BZW2: variants seen among roughly 807,000 people sequenced by gnomAD.
The protein encoded by BZW2 is eIF5-mimic protein 1.
BZW2 carries 23 observed loss-of-function variants against 53.2 expected under a neutral mutation model. The observed-to-expected ratio is 0.43, with a 90% CI of 0.31 to 0.61. The LOEUF (loss-of-function observed/expected upper bound fraction) is 0.61. BZW2 is among the 20% of genes least tolerant of loss of function. The pLI is 0.09. For synonymous variants in BZW2, 227 were observed against 186.4 expected, an observed-to-expected ratio of 1.22 and a Z score of -1.77; for missense variants, 409 against 503.1, an observed-to-expected ratio of 0.81 and a Z score of 1.79.
At chr7:16,647,506 T>C (rs1781896453) in intron 1 of BZW2, among the ~76,000 whole-genome samples, 1 of 152,178 alleles carries the variant, frequency 6.6e-6, no homozygotes, top group Non-Finnish European at 1.5e-5. Flanking sequence ...TTTCCTAAAC[T>C]CCAGCTGTTT....
chr7:16,696,805 G>T, intron 8 of BZW2, 110 bp from the exon 9 acceptor site: 3 of 1,062,726 alleles, frequency 2.8e-6, no homozygotes, highest in Non-Finnish European at 4.2e-6. Context: ...GAGAAGCTAA[G>T]CAGATTGTTT....
intron 4 of BZW2, 35 bp downstream of exon 4, chr7:16,681,439 A>C: frequency 6.4e-7 from 1 of 1,553,694 alleles, no homozygotes; most frequent in Non-Finnish European, 8.9e-7. Flanking sequence ...GCATTTGAAG[A>C]GGACTGAGGA....
chr7:16,658,752 G>A (rs1201072954), intron 1 of BZW2, among the ~76,000 whole-genome samples: 8 of 151,910 alleles, frequency 5.3e-5, no homozygotes, highest in African/African-American at 1.9e-4. Context: ...GCGTGCAACT[G>A]TAATCCCAGC....
At chr7:16,705,905 A>G (rs1783839496) in intron 11 of BZW2, among the ~76,000 whole-genome samples, 155 bp from the exon 12 acceptor site, 1 of 152,082 alleles carries the variant, frequency 6.6e-6, no homozygotes, top group Non-Finnish European at 1.5e-5. Flanking sequence ...AGAGTTTGCT[A>G]TCTGCCCTCA....
chr7:16,689,227 C>A (rs925300003), intron 6 of BZW2, among the ~76,000 whole-genome samples: 1 of 151,372 alleles, frequency 6.6e-6, no homozygotes, highest in African/African-American at 2.4e-5. Context: ...CTCCATCCCC[C>A]CAAAAATAAA....
intron 2 of BZW2, among the ~76,000 whole-genome samples, chr7:16,670,009 T>G (rs1409218603): frequency 6.6e-6 from 1 of 152,260 alleles, no homozygotes; most frequent in Admixed American, 6.5e-5. Context: ...AGTTCCAAAG[T>G]TGTCTTGTTT....
chr7:16,691,639 G>T (rs866579567), intron 7 of BZW2, among the ~76,000 whole-genome samples: 3 of 152,258 alleles, frequency 2.0e-5, no homozygotes, highest in Middle Eastern at 6.8e-3. Context: ...TCCACTAATA[G>T]GCTGCTTCTC....
chr7:16,669,245 C>T (rs1056117113), intron 2 of BZW2, among the ~76,000 whole-genome samples: 2 of 152,222 alleles, frequency 1.3e-5, no homozygotes, highest in Non-Finnish European at 2.9e-5. Flanking sequence ...TGTGCCTCAA[C>T]CTCCCGAGTA....
intron 3 of BZW2, among the ~76,000 whole-genome samples, chr7:16,676,277 G>A (rs1280306869): frequency 1.3e-5 from 2 of 152,090 alleles, no homozygotes; most frequent in East Asian, 1.9e-4. Context: ...GGCTGGGCAC[G>A]GTGGCTCACA....
chr7:16,684,184 G>T (rs1783043890), intron 5 of BZW2, among the ~76,000 whole-genome samples: 1 of 152,174 alleles, frequency 6.6e-6, no homozygotes, highest in East Asian at 1.9e-4. Flanking sequence ...AAGGGAAAAT[G>T]CCCATGACAA....
At position 16,674,429 on chromosome 7, in the gene BZW2, G is replaced by A; in HGVS notation, c.76G>A (p.Glu26Lys). 1 of 1,580,836 alleles carries A rather than the reference G, an allele frequency of 6.3e-7. No homozygotes were observed. The highest frequency in any genetic ancestry group is 8.6e-7 in the Non-Finnish European group (1 of 1,166,684). ...TRKRDEKEKF[E>K]PTVFRDTLVQ... ...TATTTTAGATGAAAAAGAGAAATTCGAACCCACAGTCTTCAGGGATACACT... is the reference window on the plus strand; with the variant it reads ...TATTTTAGATGAAAAAGAGAAATTCAAACCCACAGTCTTCAGGGATACACT... Residue 26 changes from glutamate to lysine, a missense_variant, in exon 3 of 12, where the codon GAA becomes AAA. This residue lies in a region of BZW2 where 316 missense variants were observed against 366.8 expected (regional missense o/e 0.86). Coordinates refer to ENST00000258761, the MANE Select transcript of BZW2 (RefSeq NM_014038.3).
At chr7:16,666,498 G>A (rs944764319) in intron 2 of BZW2, among the ~76,000 whole-genome samples, 2 of 151,798 alleles carry the variant, frequency 1.3e-5, no homozygotes, top group South Asian at 4.2e-4. Flanking sequence ...CTCCTCCCAG[G>A]TTCAAGCGAT....
Position 16,682,892 on chromosome 7 carries a change from G to C in BZW2, c.405+47G>C, listed in dbSNP as rs771857784. ...CTATCTGTTTTATAGTAATGACATG[G>C]GGGTGGATAAAAATTTTATAAGTGG... On this transcript the variant is annotated intron_variant, in intron 5 of 11. Transcript: ENST00000258761. 36 of 1,339,000 alleles carry C rather than the reference G, an allele frequency of 2.7e-5. 1 individual carries two copies. Among genetic ancestry groups the C allele is most frequent in the Non-Finnish European group, 3.5e-5 (34 of 974,626 alleles). 82.9% of individuals were successfully genotyped at this position (1,339,000 alleles called of 1,614,324 possible).
intron 8 of BZW2, among the ~76,000 whole-genome samples, chr7:16,696,404 A>C (rs958549247): frequency 6.6e-6 from 1 of 152,254 alleles, no homozygotes; most frequent in African/African-American, 2.4e-5. Context: ...CTTTGCACTT[A>C]CAATTTATTT....
At chr7:16,704,009 C>G (rs1783753238) in intron 10 of BZW2, among the ~76,000 whole-genome samples, 1 of 152,024 alleles carries the variant, frequency 6.6e-6, no homozygotes, top group African/African-American at 2.4e-5. Flanking sequence ...GTGTGTATTA[C>G]TCCCACAACA....
intron 2 of BZW2, among the ~76,000 whole-genome samples, chr7:16,668,869 T>C (rs1254898228): frequency 6.6e-6 from 1 of 152,222 alleles, no homozygotes; most frequent in African/African-American, 2.4e-5. Context: ...ATCTCACTTA[T>C]GATATATTCT....
At chr7:16,656,526 G>A (rs1782125715) in intron 1 of BZW2, among the ~76,000 whole-genome samples, 1 of 149,100 alleles carries the variant, frequency 6.7e-6, no homozygotes, top group Non-Finnish European at 1.5e-5. Flanking sequence ...GTATCCTGTT[G>A]ATCATCAAGC....
intron 9 of BZW2, among the ~76,000 whole-genome samples, chr7:16,697,385 G>A (rs940784510): frequency 2.2e-4 from 33 of 152,244 alleles, no homozygotes; most frequent in Admixed American, 3.9e-4. Context: ...CCACCACGCC[G>A]GGCCCAAATT....
chr7:16,656,149 A>G (rs1464561854), intron 1 of BZW2, among the ~76,000 whole-genome samples: 1 of 150,168 alleles, frequency 6.7e-6, no homozygotes, highest in Non-Finnish European at 1.5e-5. Context: ...ATATATATAT[A>G]TACATAAATA....
Sources: allele counts gnomAD v4.1 joint callset (sites outside exome capture counted in the v4.1 genomes callset), GRCh38; gene constraint gnomAD v4.1.1; regional missense constraint gnomAD v4.1.1; transcripts MANE v1.5; gene names NCBI Gene and HGNC (gene_info 2026-07-23, HGNC 2026-07-21).